The following SMURF1 variants were observed in gnomAD, a reference collection of about 807,000 sequenced individuals.
SMURF1 encodes the protein E3 ubiquitin-protein ligase SMURF1.
SMURF1 carries 44 observed loss-of-function variants against 98.0 expected under a neutral mutation model. The ratio of observed to expected loss-of-function variants is 0.45; its 90% confidence interval spans 0.35 to 0.58. SMURF1 has a LOEUF of 0.58. SMURF1 is among the 20% of genes least tolerant of loss of function. The probability of loss-of-function intolerance (pLI) is 0.00; values close to 1 mark genes in which losing one functional copy is unlikely to be tolerated. For synonymous variants in SMURF1, 396 were observed against 374.9 expected, an observed-to-expected ratio of 1.06 and a Z score of -0.65; for missense variants, 687 against 938.4, an observed-to-expected ratio of 0.73 and a Z score of 3.50.
Position 99,042,102 on chromosome 7 carries a change from G to C in SMURF1, c.1371+16C>G, listed in dbSNP as rs565051298. 5 of 1,580,910 alleles carry C rather than the reference G, an allele frequency of 3.2e-6. No homozygotes were observed. In the East Asian group the frequency reaches 1.1e-4, roughly 35 times the overall value. ...CTCCAACTCAATTCCCTACCTCTTT[G>C]TTCATTCATACTTACGGGGTTGATT... On this transcript the variant is annotated intron_variant, in intron 12 of 17. Transcript: ENST00000361368.
chr7:99,056,110 C>T (rs1013036867), intron 5 of SMURF1, among the ~76,000 whole-genome samples: 3 of 152,148 alleles, frequency 2.0e-5, no homozygotes, highest in African/African-American at 7.2e-5. Context: ...TGGCACATCC[C>T]GCCACAAAGA....
chr7:99,055,898 G>A (rs911927086), intron 5 of SMURF1, among the ~76,000 whole-genome samples: 24 of 152,124 alleles, frequency 1.6e-4, no homozygotes, highest in African/African-American at 2.9e-4. Context: ...CGCGGGAGGC[G>A]GAGGTTGCAG....
intron 1 of SMURF1, among the ~76,000 whole-genome samples, chr7:99,123,521 G>C (rs1171303323): frequency 6.6e-6 from 1 of 152,154 alleles, no homozygotes; most frequent in African/African-American, 2.4e-5. Flanking sequence ...GTGACAGAGA[G>C]AGACTCTGCC....
At chr7:99,097,919 T>C (rs1273771204) in intron 1 of SMURF1, among the ~76,000 whole-genome samples, 2 of 152,166 alleles carry the variant, frequency 1.3e-5, no homozygotes. Context: ...AAGACAGAAA[T>C]ATCTTCAAGA....
At chr7:99,127,411 G>T (rs967885769) in intron 1 of SMURF1, among the ~76,000 whole-genome samples, 2 of 152,078 alleles carry the variant, frequency 1.3e-5, no homozygotes, top group Non-Finnish European at 2.9e-5. Context: ...GAAAAGCTCG[G>T]CCGGGCCTGG....
At chr7:99,141,114 G>A (rs1026333987) in intron 1 of SMURF1, among the ~76,000 whole-genome samples, 1 of 152,172 alleles carries the variant, frequency 6.6e-6, no homozygotes, top group African/African-American at 2.4e-5. Context: ...AAGGGAAAAG[G>A]TGTTTCAGAA....
chr7:99,134,439 G>C (rs1797940508), intron 1 of SMURF1, among the ~76,000 whole-genome samples: 1 of 152,104 alleles, frequency 6.6e-6, no homozygotes. Context: ...CAGCAAGCAG[G>C]TCTCACCTCT....
At chr7:99,049,339 G>A in intron 9 of SMURF1, 1 of 513,550 alleles carries the variant, frequency 1.9e-6, no homozygotes, top group South Asian at 2.3e-5. Context: ...ATTTTATGTA[G>A]GCTGCAAGTA....
At chr7:99,060,464 C>A in intron 3 of SMURF1, 135 bp downstream of exon 3, 24 of 506,864 alleles carry the variant, frequency 4.7e-5, no homozygotes, top group Admixed American at 1.0e-4. Flanking sequence ...GCAATGTAGA[C>A]ATTCATTTGG....
At chr7:99,110,969 A>G (rs143534950) in intron 1 of SMURF1, among the ~76,000 whole-genome samples, 128 of 152,336 alleles carry the variant, frequency 8.4e-4, no homozygotes, top group African/African-American at 2.9e-3. Flanking sequence ...AAAGGGAGTT[A>G]ACAAGTATTT....
chr7:99,142,227 T>C (rs943229752), intron 1 of SMURF1, among the ~76,000 whole-genome samples: 3 of 152,154 alleles, frequency 2.0e-5, no homozygotes, highest in African/African-American at 7.2e-5. Context: ...GACTTTTCAT[T>C]GAAGACAAAA....
At chr7:99,143,420 T>C (rs138076550) in intron 1 of SMURF1, among the ~76,000 whole-genome samples, 2,975 of 99,818 alleles carry the variant, frequency 0.03, 51 homozygotes, top group Middle Eastern at 0.076. Context: ...GGGAAGGAGA[T>C]GCAAGGGGCG....
chr7:99,065,003 A>G (rs1191399543), intron 1 of SMURF1, among the ~76,000 whole-genome samples: 1 of 152,224 alleles, frequency 6.6e-6, no homozygotes, highest in Non-Finnish European at 1.5e-5. Flanking sequence ...TCATAAGTAA[A>G]TGAGGAAAAT....
chr7:99,042,192 A>C lies in SMURF1; in HGVS notation c.1297T>G (p.Tyr433Asp). 6.2e-7 allele frequency: 1 copy of C among 1,614,128 alleles called. No homozygotes were observed. The highest frequency in any genetic ancestry group is 8.5e-7 in the Non-Finnish European group (1 of 1,180,024). ...GTAGAATACTGGAAGAGCCCGTAAT[A>C]AGGATTCAGCATTTCATGGCACAGC... ...YLLCHEMLNP[Y>D]YGLFQYSTDN... Residue 433 changes from tyrosine to aspartate, a missense_variant, in exon 12 of 18, where the codon TAT (tyrosine) becomes GAT (aspartate). Around this residue, in one of 2 missense-constraint regions of SMURF1, gnomAD observed 272 missense variants for 430.0 expected, o/e 0.63. Transcript: ENST00000361368.
At chr7:99,097,608 T>C (rs1257060160) in intron 1 of SMURF1, among the ~76,000 whole-genome samples, 4 of 152,202 alleles carry the variant, frequency 2.6e-5, no homozygotes, top group Non-Finnish European at 5.9e-5. Flanking sequence ...ACCCTGATAT[T>C]GGACTACCCA....
chr7:99,115,660 T>C (rs1004469910), intron 1 of SMURF1, among the ~76,000 whole-genome samples: 1 of 152,008 alleles, frequency 6.6e-6, no homozygotes, highest in African/African-American at 2.4e-5. Context: ...TGCCAACAAA[T>C]TAGGTAACCC....
intron 1 of SMURF1, among the ~76,000 whole-genome samples, chr7:99,121,980 C>A (rs1408222196): frequency 6.6e-6 from 1 of 152,202 alleles, no homozygotes; most frequent in Non-Finnish European, 1.5e-5. Context: ...TTGATATAGT[C>A]AGCAACAAAC....
chr7:99,061,961 A>T (rs1796043963), intron 1 of SMURF1, 124 bp from the exon 2 acceptor site: 1 of 641,244 alleles, frequency 1.6e-6, no homozygotes, highest in Non-Finnish European at 2.6e-6. Context: ...TGACTTTCAA[A>T]TCTAGTATCA....
chr7:99,129,236 T>C (rs1044573734), intron 1 of SMURF1, among the ~76,000 whole-genome samples: 1 of 152,226 alleles, frequency 6.6e-6, no homozygotes, highest in Non-Finnish European at 1.5e-5. Context: ...AAAACAATGG[T>C]ATGACTTGCA....
Sources: gnomAD v4.1 joint callset for allele counts (sites outside exome capture counted in the v4.1 genomes callset) on GRCh38, gnomAD v4.1.1 for gene constraint, gnomAD v4.1.1 regional missense constraint, MANE v1.5 for transcripts, NCBI Gene and HGNC (gene_info 2026-07-23, HGNC 2026-07-21) for gene names.